The following CUX1 variants were observed in gnomAD, a reference collection of about 807,000 sequenced individuals.
The protein encoded by CUX1 is protein CASP.
Under a neutral mutation model 158.8 loss-of-function variants are expected in CUX1, and 31 were observed. That is an observed-to-expected ratio of 0.20 (90% confidence interval 0.15 to 0.26). CUX1 has a LOEUF of 0.26. CUX1 is among the 10% of genes least tolerant of loss of function. The pLI is 1.00. For missense variants in CUX1, 1,589 were observed against 2,014.6 expected, an observed-to-expected ratio of 0.79 and a Z score of 4.04; for synonymous variants, 879 against 862.1, an observed-to-expected ratio of 1.02 and a Z score of -0.34.
intron 3 of CUX1, among the ~76,000 whole-genome samples, chr7:102,059,042 T>G (rs925891766): frequency 6.6e-6 from 1 of 152,228 alleles, no homozygotes; most frequent in Non-Finnish European, 1.5e-5. Flanking sequence ...GTCTAAGCTG[T>G]GATCTGCTGT....
At chr7:102,065,245 T>C (rs532197233) in intron 3 of CUX1, among the ~76,000 whole-genome samples, 105 of 152,148 alleles carry the variant, frequency 6.9e-4, no homozygotes, top group African/African-American at 2.5e-3. Flanking sequence ...CGTGCCTGTC[T>C]AATTTGTATT....
Position 101,893,158 on chromosome 7 carries a change from C to CTTTTTTTTTTT in CUX1, c.31-22940_31-22930dup, listed in dbSNP as rs10589615. ...TTCTTTTTACTTTTTATTTTTATTA[C>CTTTTTTTTTTT]TTTTTTTTTTTTTTTTTTTTTTTTT... On this transcript the variant is annotated intron_variant, in intron 1 of 23. Coordinates refer to ENST00000292535, the MANE Select transcript of CUX1 (RefSeq NM_181552.4). Among the ~76,000 whole-genome samples, 2 of 64,952 alleles carry CTTTTTTTTTTT rather than the reference C, an allele frequency of 3.1e-5. 1 individual carries two copies. Among genetic ancestry groups the CTTTTTTTTTTT allele is most frequent in the Non-Finnish European group, 5.5e-5 (2 of 36,624 alleles). The allele number at this position is 64,952 out of a possible 152,430, so 42.6% of individuals were successfully genotyped here.
At chr7:101,913,106 G>C (rs1803684709) in intron 1 of CUX1, 1 of 198,826 alleles carries the variant, frequency 5.0e-6, no homozygotes, top group Non-Finnish European at 1.1e-5. Context: ...GCGTCCTTCA[G>C]AAAGGATTTG....
At chr7:102,080,744 C>A (rs1177983139) in intron 4 of CUX1, among the ~76,000 whole-genome samples, 2 of 152,210 alleles carry the variant, frequency 1.3e-5, no homozygotes, top group African/African-American at 4.8e-5. Context: ...AGCCATGTGT[C>A]CTTTCTTCTC....
rs374716122 is a variant in CUX1 at position 101,866,148 on chromosome 7, G to C, written c.30+48479G>C. Among the ~76,000 whole-genome samples the C allele has an allele frequency of 5.9e-5, 9 of 151,456 alleles. No homozygotes were observed. In the South Asian group the frequency reaches 1.3e-3, roughly 21 times the overall value. ...GAGACCTGTTTGGGCAACATAGTGA[G>C]ACCCCAATCTCTACTAAAAAAATAA... On this transcript the variant is annotated intron_variant, in intron 1 of 23. Coordinates refer to ENST00000292535, the MANE Select transcript of CUX1 (RefSeq NM_181552.4).
At chr7:102,101,539 G>A (rs560038676) in intron 5 of CUX1, among the ~76,000 whole-genome samples, 13 of 152,220 alleles carry the variant, frequency 8.5e-5, no homozygotes, top group Non-Finnish European at 1.8e-4. Context: ...CACACACTGT[G>A]ATGTGTCACT....
intron 1 of CUX1, among the ~76,000 whole-genome samples, chr7:101,911,436 T>C (rs1362376716): frequency 6.7e-6 from 1 of 150,296 alleles, no homozygotes; most frequent in Admixed American, 6.6e-5. Flanking sequence ...TTGGCCTTGG[T>C]CCTGCAGTAG....
chr7:102,023,181 C>T (rs1445635402), intron 2 of CUX1, among the ~76,000 whole-genome samples: 1 of 152,166 alleles, frequency 6.6e-6, no homozygotes, highest in African/African-American at 2.4e-5. Context: ...CGTCACTGCA[C>T]TCCAGCCTGG....
Position 102,117,369 on chromosome 7 carries a change from GC to G in CUX1, c.674+2098del, listed in dbSNP as rs1280272553. Among the ~76,000 whole-genome samples, 3 of 141,712 alleles carry G rather than the reference GC, an allele frequency of 2.1e-5. No individual in the cohort carries two copies. The East Asian group carries it at 6.5e-4, about 31-fold the overall frequency. The allele number at this position is 141,712 out of a possible 152,430, so 93.0% of individuals were successfully genotyped here. A position where few individuals can be genotyped will look rare whatever the true frequency, so the allele number is the denominator to read the frequency against. ...GCCGAGATAGCACCACTGCACCCCAGCCTGGGCTACAGAGCCAGACTCCATC... is the reference window on the plus strand; with the variant it reads ...GCCGAGATAGCACCACTGCACCCCAGCTGGGCTACAGAGCCAGACTCCATC... On this transcript the variant is annotated intron_variant, in intron 8 of 23. Coordinates refer to ENST00000292535, the MANE Select transcript of CUX1 (RefSeq NM_181552.4).
intron 2 of CUX1, among the ~76,000 whole-genome samples, chr7:101,944,497 A>AGT (rs1348635829): frequency 6.6e-6 from 1 of 152,206 alleles, no homozygotes; most frequent in Non-Finnish European, 1.5e-5. Flanking sequence ...GTTTGTGGCC[A>AGT]GTGAGCCACC....
upstream of CUX1, chr7:101,817,177 A>AC (rs1791934315): frequency 2.0e-6 from 2 of 983,486 alleles, no homozygotes; most frequent in South Asian, 9.4e-5. The surrounding 1 kb of genome is among the most constrained non-coding windows in gnomAD (Gnocchi z 4.1). Context: ...GCAGGCCCCA[A>AC]GCTGTTCCCC....
intron 2 of CUX1, among the ~76,000 whole-genome samples, chr7:101,946,926 C>T (rs956456677): frequency 2.0e-5 from 3 of 152,066 alleles, no homozygotes; most frequent in Non-Finnish European, 1.5e-5. Context: ...TCCGTGAGCT[C>T]GGCGGTGAGA....
chr7:102,001,561 C>T lies in CUX1; in HGVS notation c.142-26537C>T, dbSNP rs577427507. On this transcript the variant is annotated intron_variant, in intron 2 of 23. Transcript: ENST00000292535. ...GTTTCACCATGTTGGCCAGGCTGGT[C>T]TCGAACTCCTGACCTCAGGTGATCC... Among the ~76,000 whole-genome samples the T allele has an allele frequency of 4.6e-5, 7 of 152,290 alleles. No homozygotes were observed. In the East Asian group the frequency reaches 1.4e-3, roughly 29 times the overall value.
chr7:101,926,448 G>A (rs1434141243), intron 2 of CUX1, among the ~76,000 whole-genome samples: 1 of 152,140 alleles, frequency 6.6e-6, no homozygotes, highest in East Asian at 1.9e-4. Flanking sequence ...AGACTTTGCC[G>A]CATGGTCTGG....
At position 102,070,274 on chromosome 7, in the gene CUX1, G is replaced by A. The variant is rs191681404; in HGVS notation, c.190-65G>A. ...GAATTCACTAGATGTGTAATGCTTT[G>A]TAAATTACCTCTTGACAAATGTTGA... is the stretch of plus-strand genomic sequence containing the variant. On this transcript the variant is annotated intron_variant, in intron 3 of 23. Coordinates refer to ENST00000292535, the MANE Select transcript of CUX1 (RefSeq NM_181552.4). The A allele has an allele frequency of 6.7e-5, 94 of 1,403,294 alleles. 1 individual carries two copies. In the East Asian group the frequency reaches 1.1e-3, roughly 16 times the overall value. The allele number at this position is 1,403,294 out of a possible 1,614,324, so 86.9% of individuals were successfully genotyped here.
At chr7:102,212,345 G>A (rs1326009621) in intron 20 of CUX1, among the ~76,000 whole-genome samples, 6 of 152,004 alleles carry the variant, frequency 3.9e-5, no homozygotes, top group African/African-American at 9.7e-5. Context: ...TGCCAGCACC[G>A]CCCCAGCACC....
intron 8 of CUX1, among the ~76,000 whole-genome samples, chr7:102,133,653 T>C (rs1481526182): frequency 2.0e-5 from 3 of 151,786 alleles, no homozygotes; most frequent in Non-Finnish European, 4.4e-5. Flanking sequence ...TTTTTGTAGT[T>C]TTTAGTAGAG....
chr7:102,258,898 C>T (rs564061709), downstream of CUX1, among the ~76,000 whole-genome samples: 4 of 152,180 alleles, frequency 2.6e-5, no homozygotes, highest in East Asian at 7.7e-4. Context: ...CCAGATGGCG[C>T]TCGGGCTGGA....
chr7:102,270,955 G>C (rs1791171728), intron 14 of CUX1, among the ~76,000 whole-genome samples: 1 of 152,196 alleles, frequency 6.6e-6, no homozygotes, highest in Admixed American at 6.5e-5. Context: ...TCATCTCCCT[G>C]GTGCCCACGG....
Sources: gnomAD v4.1 joint callset for allele counts (sites outside exome capture counted in the v4.1 genomes callset) on GRCh38, gnomAD v4.1.1 for gene constraint, Gnocchi (gnomAD v3.1) non-coding constraint, MANE v1.5 for transcripts, NCBI Gene and HGNC (gene_info 2026-07-23, HGNC 2026-07-21) for gene names.